Variants in LRFN5 observed in about 807,000 individuals in gnomAD.
LRFN5 encodes leucine-rich repeat and fibronectin type-III domain-containing protein 5.
LRFN5 carries 24 observed loss-of-function variants against 45.6 expected under a neutral mutation model. That is an observed-to-expected ratio of 0.53 (90% confidence interval 0.38 to 0.74). LRFN5 has a LOEUF of 0.74. Ranked by LOEUF, LRFN5 falls within the 30% of genes least tolerant of loss-of-function variation. The probability of loss-of-function intolerance (pLI) is 0.00; values close to 1 mark genes in which losing one functional copy is unlikely to be tolerated. For synonymous variants in LRFN5, 340 were observed against 313.8 expected (o/e 1.08, Z -0.88); for missense variants, 776 against 861.5 (o/e 0.90, Z 1.24).
chr14:41,888,137 G>C, intron 3 of LRFN5, 127 bp downstream of exon 3: 1 of 711,874 alleles, frequency 1.4e-6, no homozygotes, highest in South Asian at 2.2e-5. Context: ...AAAGTGCATA[G>C]TGTAAGCTTT....
At chr14:41,689,860 A>G (rs968540017) in intron 1 of LRFN5, among the ~76,000 whole-genome samples, 1 of 139,074 alleles carries the variant, frequency 7.2e-6, no homozygotes, top group Non-Finnish European at 1.5e-5. Context: ...GCGCCACTGC[A>G]CTTCCACCTG....
intron 1 of LRFN5, among the ~76,000 whole-genome samples, chr14:41,688,646 G>A (rs886668877): frequency 2.0e-5 from 3 of 150,456 alleles, no homozygotes; most frequent in Non-Finnish European, 3.0e-5. Flanking sequence ...GGAAAATTAG[G>A]ATATAATTCG....
intron 2 of LRFN5, among the ~76,000 whole-genome samples, chr14:41,787,326 A>C (rs914762273): frequency 6.6e-6 from 1 of 151,960 alleles, no homozygotes; most frequent in Non-Finnish European, 1.5e-5. Context: ...TGTCCACCTA[A>C]CCCAACCAAA....
chr14:41,750,839 A>G (rs759154371), intron 1 of LRFN5, among the ~76,000 whole-genome samples: 5 of 152,054 alleles, frequency 3.3e-5, no homozygotes, highest in Admixed American at 6.6e-5. Context: ...AATTATTATT[A>G]TACCTTAAGT....
chr14:41,762,684 A>G (rs909345516), intron 1 of LRFN5, among the ~76,000 whole-genome samples: 5 of 152,080 alleles, frequency 3.3e-5, no homozygotes, highest in Non-Finnish European at 5.9e-5. Context: ...AGAATTTCCT[A>G]TCTTATAACC....
intron 1 of LRFN5, among the ~76,000 whole-genome samples, chr14:41,759,757 T>G (rs576843054): frequency 1.3e-5 from 2 of 152,220 alleles, no homozygotes; most frequent in Non-Finnish European, 2.9e-5. Flanking sequence ...TTTTTTCTAG[T>G]TTTCTGTGAG....
intron 1 of LRFN5, among the ~76,000 whole-genome samples, chr14:41,663,699 G>A (rs1222067894): frequency 6.6e-6 from 1 of 151,832 alleles, no homozygotes; most frequent in Non-Finnish European, 1.5e-5. Flanking sequence ...TGTATGCATC[G>A]ATAACCTAGT....
intron 2 of LRFN5, among the ~76,000 whole-genome samples, chr14:41,861,692 C>T (rs1889668056): frequency 6.6e-6 from 1 of 152,044 alleles, no homozygotes; most frequent in Non-Finnish European, 1.5e-5. Context: ...TGCAATAGCT[C>T]TCATGTGAGA....
intron 4 of LRFN5, chr14:41,895,096 A>T (rs1333950072): frequency 2.1e-6 from 2 of 975,176 alleles, no homozygotes; most frequent in Non-Finnish European, 2.4e-6. Flanking sequence ...TGTATTAACG[A>T]TGTTTACTTC....
chr14:41,876,643 C>T (rs552279903), intron 2 of LRFN5, among the ~76,000 whole-genome samples: 1 of 152,148 alleles, frequency 6.6e-6, no homozygotes, highest in East Asian at 1.9e-4. Flanking sequence ...TATAGGTTTA[C>T]TGAGCACTAA....
At chr14:41,836,409 A>G (rs1004389656) in intron 2 of LRFN5, among the ~76,000 whole-genome samples, 1 of 152,242 alleles carries the variant, frequency 6.6e-6, no homozygotes, top group African/African-American at 2.4e-5. Flanking sequence ...GTATATACAT[A>G]TAAGTAGACA....
At position 41,670,288 on chromosome 14, in the gene LRFN5, TATATATATATATATATAC is replaced by T. The variant is rs1239944587; in HGVS notation, c.-197+61728_-197+61745del. 0.01 allele frequency among the ~76,000 whole-genome samples: 691 copies of T among 66,314 alleles called. 45 individuals carry two copies. The East Asian group carries it at 0.24, about 23-fold the overall frequency. The allele number at this position is 66,314 out of a possible 152,430, so 43.5% of individuals were successfully genotyped here. On this transcript the variant is annotated intron_variant, in intron 1 of 5. Coordinates refer to ENST00000298119, the MANE Select transcript of LRFN5 (RefSeq NM_152447.5). ...ATATATATATATATATATATATATA[TATATATATATATATATAC>T]ACACACACAGAAAGAACCCCTGGAA...
intron 1 of LRFN5, among the ~76,000 whole-genome samples, chr14:41,764,771 T>C (rs1885808060): frequency 1.3e-5 from 2 of 151,890 alleles, no homozygotes; most frequent in South Asian, 4.2e-4. Flanking sequence ...ATTGTGCCTG[T>C]ATTTACTAAC....
chr14:41,824,665 T>C (rs1220900492), intron 2 of LRFN5, among the ~76,000 whole-genome samples: 1 of 152,202 alleles, frequency 6.6e-6, no homozygotes, highest in Non-Finnish European at 1.5e-5. Flanking sequence ...ATCGGTATAC[T>C]GTTCCATCTT....
intron 2 of LRFN5, among the ~76,000 whole-genome samples, chr14:41,823,180 G>C (rs561263388): frequency 6.6e-6 from 1 of 152,094 alleles, no homozygotes; most frequent in East Asian, 1.9e-4. Flanking sequence ...ATAATGTTAA[G>C]TGTTACCTAG....
At chr14:41,733,740 C>G (rs1172238245) in intron 1 of LRFN5, 1 of 151,842 alleles carries the variant, frequency 6.6e-6, no homozygotes, top group Non-Finnish European at 1.5e-5. Context: ...AAAGCAATTA[C>G]TCTAAAAGCT....
chr14:41,646,828 C>G (rs1397567794), intron 1 of LRFN5, among the ~76,000 whole-genome samples: 6 of 152,146 alleles, frequency 3.9e-5, no homozygotes, highest in African/African-American at 1.4e-4. Context: ...AGCCACCTTT[C>G]AAAGTACAAC....
intron 1 of LRFN5, among the ~76,000 whole-genome samples, chr14:41,709,194 A>G (rs910571152): frequency 2.0e-5 from 3 of 151,884 alleles, no homozygotes; most frequent in African/African-American, 7.2e-5. Flanking sequence ...CATAATATAT[A>G]TTTTATTTTA....
chr14:41,612,788 G>T (rs1887800811), intron 1 of LRFN5, among the ~76,000 whole-genome samples: 1 of 151,990 alleles, frequency 6.6e-6, no homozygotes. Flanking sequence ...TCCAGTTAGA[G>T]GTGAACCATT....
Sources: allele counts gnomAD v4.1 joint callset (sites outside exome capture counted in the v4.1 genomes callset), GRCh38; gene constraint gnomAD v4.1.1; transcripts MANE v1.5; gene names NCBI Gene and HGNC (gene_info 2026-07-23, HGNC 2026-07-21).